The following VPS50 variants were observed in gnomAD, a reference collection of about 807,000 sequenced individuals.
VPS50 encodes VPS50 subunit of EARP/GARPII complex.
VPS50 carries 70 observed loss-of-function variants against 139.7 expected under a neutral mutation model. The ratio of observed to expected loss-of-function variants is 0.50; its 90% confidence interval spans 0.41 to 0.61. The LOEUF (loss-of-function observed/expected upper bound fraction) is 0.61, where lower values mean the gene tolerates loss of function less well. Among genes scored for constraint, VPS50 ranks in the 20% least tolerant of loss-of-function variants. The pLI is 0.00. For missense variants in VPS50, 921 were observed against 1,133.7 expected, an observed-to-expected ratio of 0.81 and a Z score of 2.69; for synonymous variants, 365 against 376.7, an observed-to-expected ratio of 0.97 and a Z score of 0.36.
chr7:93,337,102 C>T (rs990823553), intron 22 of VPS50, among the ~76,000 whole-genome samples: 5 of 152,180 alleles, frequency 3.3e-5, no homozygotes, highest in African/African-American at 1.2e-4. Context: ...TTTCGTGACT[C>T]TCTTGCTCTC....
intron 23 of VPS50, among the ~76,000 whole-genome samples, chr7:93,344,885 C>A (rs1319210996): frequency 6.6e-6 from 1 of 151,700 alleles, no homozygotes; most frequent in African/African-American, 2.4e-5. Flanking sequence ...AGGAAAGATC[C>A]AAAATTGACA....
rs780339230 is a variant in VPS50, at chr7:93,348,726, A to G, written c.2223A>G (p.Glu741=). The part of the protein sequence containing the change: ...VATESLVFLA[E]QFEFLQPHLD... ...TTCCCTTTAGGGTATTCTTGGCTGA[A>G]CAGTTTGAGTTCCTTCAGCCACATC... Residue 741 remains glutamate, a synonymous_variant, in exon 24 of 28, where the codon GAA becomes GAG. Transcript: ENST00000305866. 2 of 1,612,532 alleles carry G rather than the reference A, an allele frequency of 1.2e-6. No homozygotes were observed. The highest frequency in any genetic ancestry group is 2.2e-5 in the South Asian group (2 of 91,010).
chr7:93,321,189 A>T (rs984921511), intron 20 of VPS50: 1 of 152,210 alleles, frequency 6.6e-6, no homozygotes, highest in Non-Finnish European at 1.5e-5. Context: ...AGCCTAAACT[A>T]TCTACTCTTG....
intron 2 of VPS50, 165 bp downstream of exon 2, chr7:93,240,099 T>G: frequency 2.0e-6 from 1 of 503,576 alleles, no homozygotes; most frequent in South Asian, 2.4e-5. Flanking sequence ...CTTGTTTCAT[T>G]ACACGTTGGG....
intron 20 of VPS50, among the ~76,000 whole-genome samples, chr7:93,314,948 T>C (rs1368043698): frequency 6.6e-6 from 1 of 152,024 alleles, no homozygotes; most frequent in African/African-American, 2.4e-5. Flanking sequence ...AGGTGATGCA[T>C]AAAAATGGTT....
intron 23 of VPS50, among the ~76,000 whole-genome samples, chr7:93,342,640 C>T (rs1409657103): frequency 6.6e-6 from 1 of 152,244 alleles, no homozygotes; most frequent in Non-Finnish European, 1.5e-5. Flanking sequence ...TGAGAACGGG[C>T]AGACTGCCTC....
intron 12 of VPS50, among the ~76,000 whole-genome samples, chr7:93,281,660 C>CATAAT (rs1308720127): frequency 6.6e-6 from 1 of 152,004 alleles, no homozygotes; most frequent in Non-Finnish European, 1.5e-5. Context: ...TAGGGCTAGA[C>CATAAT]ATAATATAAG....
At chr7:93,262,905 A>T (rs188053035) in intron 9 of VPS50, among the ~76,000 whole-genome samples, 6 of 152,300 alleles carry the variant, frequency 3.9e-5, no homozygotes, top group Admixed American at 3.3e-4. Flanking sequence ...TCTTTTGTAG[A>T]TGATATAATG....
intron 25 of VPS50, among the ~76,000 whole-genome samples, chr7:93,351,713 C>G (rs184242313): frequency 6.6e-6 from 1 of 152,138 alleles, no homozygotes; most frequent in African/African-American, 2.4e-5. Flanking sequence ...CTCCCAATAC[C>G]ATCACCCTGG....
At position 93,278,797 on chromosome 7, in the gene VPS50, A is replaced by G. The variant is rs1309475612; in HGVS notation, c.942+2492A>G. On this transcript the variant is annotated intron_variant, in intron 12 of 27. Coordinates refer to ENST00000305866, the MANE Select transcript of VPS50 (RefSeq NM_017667.4). Reference sequence around the variant, plus strand: ...GATAGTAGGTGATATATATATATATATGTACATATATATACACACACACGT... The same window carrying G: ...GATAGTAGGTGATATATATATATATGTGTACATATATATACACACACACGT... 4.6e-5 allele frequency among the ~76,000 whole-genome samples: 7 copies of G among 151,248 alleles called. No individual in the cohort carries two copies. The East Asian group carries it at 1.4e-3, about 29-fold the overall frequency.
chr7:93,258,029 A>G (rs1795542654), intron 6 of VPS50, 130 bp from the exon 7 acceptor site: 1 of 584,844 alleles, frequency 1.7e-6, no homozygotes, highest in African/African-American at 1.9e-5. Flanking sequence ...ACATTTGTCA[A>G]ATAGTAGTTT....
chr7:93,339,678 A>C (rs1021082706), intron 22 of VPS50, among the ~76,000 whole-genome samples: 1 of 152,118 alleles, frequency 6.6e-6, no homozygotes, highest in Non-Finnish European at 1.5e-5. Context: ...ATAACCATGG[A>C]GTGTTTTCCA....
At chr7:93,259,947 T>C (rs1313642014) in intron 9 of VPS50, among the ~76,000 whole-genome samples, 1 of 152,210 alleles carries the variant, frequency 6.6e-6, no homozygotes, top group Non-Finnish European at 1.5e-5. Flanking sequence ...CCAATGCATC[T>C]CTTGGGAATT....
At chr7:93,244,701 G>A (rs762520984) in intron 2 of VPS50, among the ~76,000 whole-genome samples, 1 of 151,804 alleles carries the variant, frequency 6.6e-6, no homozygotes, top group Non-Finnish European at 1.5e-5. Flanking sequence ...TGAGGTTTAT[G>A]ACTAGGTGAA....
chr7:93,243,968 G>T (rs1176602251), intron 2 of VPS50, among the ~76,000 whole-genome samples: 2 of 151,736 alleles, frequency 1.3e-5, no homozygotes, highest in African/African-American at 2.4e-5. Context: ...CCTCCTCATA[G>T]TATTCTTTAA....
At chr7:93,309,404 TA>T (rs377053296) in intron 19 of VPS50, among the ~76,000 whole-genome samples, 26 of 152,150 alleles carry the variant, frequency 1.7e-4, no homozygotes, top group African/African-American at 6.3e-4. Flanking sequence ...TTAAATCTGT[TA>T]AAATTACTTT....
At chr7:93,319,666 TGTGTTTGATAGTATGTG>T (rs1562885154) in intron 20 of VPS50, among the ~76,000 whole-genome samples, 1 of 152,180 alleles carries the variant, frequency 6.6e-6, no homozygotes, top group Non-Finnish European at 1.5e-5. Context: ...TCATTTTCAA[TGTGTTTGATAGTATGTG>T]GACTCTTTTG....
At chr7:93,348,899 G>A in intron 24 of VPS50, 92 bp downstream of exon 24, 1 of 842,096 alleles carries the variant, frequency 1.2e-6, no homozygotes. Flanking sequence ...TTAACTGGAA[G>A]TCAGTCTTGA....
chr7:93,252,674 G>C lies in VPS50; in HGVS notation c.124G>C (p.Glu42Gln). 1 of 1,600,912 alleles carries C rather than the reference G, an allele frequency of 6.2e-7. No homozygotes were observed. The highest frequency in any genetic ancestry group is 8.5e-7 in the Non-Finnish European group (1 of 1,172,304). Residue 42 changes from glutamate (E) to glutamine (Q), a missense_variant, in exon 3 of 28, where the codon GAA becomes CAA. Glu to Gln is a conservative substitution (Grantham distance 29, BLOSUM62 2). Transcript: ENST00000305866. ...AAAGGAAGAATTCAGGGAACTTCGAGAACAGCCAAGTGACCCTCAAGCTGA... is the reference window on the plus strand; with the variant it reads ...AAAGGAAGAATTCAGGGAACTTCGACAACAGCCAAGTGACCCTCAAGCTGA... ...PGKEEFRELR[E>Q]QPSDPQAEQE... is the part of the protein sequence containing the mutation.
Sources: allele counts gnomAD v4.1 joint callset (sites outside exome capture counted in the v4.1 genomes callset), GRCh38; gene constraint gnomAD v4.1.1; transcripts MANE v1.5; gene names NCBI Gene and HGNC (gene_info 2026-07-23, HGNC 2026-07-21).